SNAPC3: variants seen among roughly 807,000 people sequenced by gnomAD.
The protein encoded by SNAPC3 is small nuclear RNA activating complex polypeptide 3.
A neutral mutation model predicts 47.7 loss-of-function variants in SNAPC3; 56 were observed. The ratio of observed to expected loss-of-function variants is 1.18; its 90% confidence interval spans 0.95 to 1.47. SNAPC3 has a LOEUF of 1.47. Ranked by LOEUF, SNAPC3 falls within the 40% of genes most tolerant of loss-of-function variation. The pLI is 0.00. For missense variants in SNAPC3, 665 were observed against 511.3 expected (o/e 1.30, Z -2.90); for synonymous variants, 235 against 189.9 (o/e 1.24, Z -1.95).
At chr9:15,459,027 CT>C (rs1258001149) in intron 8 of SNAPC3, among the ~76,000 whole-genome samples, 1 of 152,130 alleles carries the variant, frequency 6.6e-6, no homozygotes, top group African/African-American at 2.4e-5. Flanking sequence ...GGATACTCAA[CT>C]TGTATCTTCA....
At chr9:15,443,598 A>G (rs1288964162) in intron 3 of SNAPC3, among the ~76,000 whole-genome samples, 1 of 152,238 alleles carries the variant, frequency 6.6e-6, no homozygotes, top group Non-Finnish European at 1.5e-5. Context: ...GAAAAAAAGC[A>G]TCTTGTCTGT....
downstream of SNAPC3, chr9:15,464,271 T>C (rs2035457254): frequency 5.2e-6 from 1 of 193,862 alleles, no homozygotes; most frequent in African/African-American, 2.3e-5. Flanking sequence ...AAAACAGTTA[T>C]CTCAGAGGGT....
chr9:15,437,104 C>T (rs751792005), intron 3 of SNAPC3, among the ~76,000 whole-genome samples: 2 of 152,098 alleles, frequency 1.3e-5, no homozygotes, highest in Non-Finnish European at 2.9e-5. Flanking sequence ...GGATTACAGA[C>T]GTGAGCCACC....
At chr9:15,441,901 C>T (rs1388861090) in intron 3 of SNAPC3, among the ~76,000 whole-genome samples, 1 of 152,224 alleles carries the variant, frequency 6.6e-6, no homozygotes, top group African/African-American at 2.4e-5. Context: ...TCTCAATGAG[C>T]TGTTGGGTAC....
chr9:15,426,910 T>G (rs145071803), intron 2 of SNAPC3, among the ~76,000 whole-genome samples: 169 of 152,294 alleles, frequency 1.1e-3, no homozygotes, highest in African/African-American at 3.8e-3. Context: ...TTGTTAACCT[T>G]AATGGTCCTG....
At chr9:15,430,061 A>C (rs1239714972) in intron 2 of SNAPC3, among the ~76,000 whole-genome samples, 1 of 152,224 alleles carries the variant, frequency 6.6e-6, no homozygotes, top group Non-Finnish European at 1.5e-5. Context: ...TGCTAATGAG[A>C]ACTGTATGAC....
intron 3 of SNAPC3, among the ~76,000 whole-genome samples, chr9:15,438,158 C>G (rs1162081710): frequency 6.6e-6 from 1 of 152,176 alleles, no homozygotes; most frequent in Non-Finnish European, 1.5e-5. Context: ...AACCTCCTTA[C>G]TTGTTACAGG....
Position 15,460,048 on chromosome 9 carries a change from GTTTAAT to G in SNAPC3, c.*187_*192del. 2.3e-6 allele frequency: 1 copy of G among 434,864 alleles called. No individual in the cohort carries two copies. Among genetic ancestry groups the G allele is most frequent in the South Asian group, 6.9e-5 (1 of 14,584 alleles). 26.9% of individuals were successfully genotyped at this position (434,864 alleles called of 1,614,324 possible). On this transcript the variant is annotated 3_prime_UTR_variant, in exon 9 of 9. Transcript: ENST00000380821. ...ATAGTATTTAAATGTTTATAACATA[GTTTAAT>G]TTTATATTTATTCCAGATAGTATTT...
At chr9:15,448,735 G>T (rs1451483661) in intron 5 of SNAPC3, among the ~76,000 whole-genome samples, 3 of 152,180 alleles carry the variant, frequency 2.0e-5, no homozygotes, top group Non-Finnish European at 2.9e-5. Context: ...TGCCATCTCA[G>T]TGCTTTTGGA....
intron 3 of SNAPC3, among the ~76,000 whole-genome samples, chr9:15,435,312 C>T (rs1194036757): frequency 6.6e-6 from 1 of 152,180 alleles, no homozygotes; most frequent in Non-Finnish European, 1.5e-5. Flanking sequence ...ATGGCTAACG[C>T]TTGTAATCCC....
rs78403136 is a variant in SNAPC3 at position 15,435,581 on chromosome 9, A to G, written c.477+1945A>G. ...GAATGAGACTCTGTCTCAAAAAAAA[A>G]TTAGCCGGGCGTGGTGGCAGGCGCC... On this transcript the variant is annotated intron_variant, in intron 3 of 8. Coordinates refer to ENST00000380821, the MANE Select transcript of SNAPC3 (RefSeq NM_001039697.2). Among the ~76,000 whole-genome samples the G allele has an allele frequency of 2.0e-5, 3 of 151,876 alleles. No homozygotes were observed. The East Asian group carries it at 5.9e-4, about 30-fold the overall frequency.
chr9:15,434,623 C>T (rs1042935853), intron 3 of SNAPC3, among the ~76,000 whole-genome samples: 2 of 152,036 alleles, frequency 1.3e-5, no homozygotes, highest in South Asian at 2.1e-4. Context: ...CCAGGCTGGT[C>T]TCGAACCCTT....
rs767549600 is a variant in SNAPC3 at position 15,444,567 on chromosome 9, G to T, written c.478-35G>T. ...CACACTGCATCTTATCTGAGTTATA[G>T]TATCTGATTTCAGTGTCTCTTTTTC... On this transcript the variant is annotated intron_variant, in intron 3 of 8. Coordinates refer to ENST00000380821, the MANE Select transcript of SNAPC3 (RefSeq NM_001039697.2). The T allele has an allele frequency of 4.6e-6, 6 of 1,291,288 alleles. No individual in the cohort carries two copies. The South Asian group carries it at 7.2e-5, about 15-fold the overall frequency. The allele number at this position is 1,291,288 out of a possible 1,614,324, so 80.0% of individuals were successfully genotyped here.
intron 8 of SNAPC3, 106 bp downstream of exon 8, chr9:15,458,173 A>AT: frequency 1.7e-6 from 1 of 601,624 alleles, no homozygotes; most frequent in Non-Finnish European, 2.8e-6. Flanking sequence ...TAGGTTATAA[A>AT]TATGAAGTAT....
downstream of SNAPC3, chr9:15,462,756 ACATTGTGTTG>A (rs1297922117): frequency 7.2e-5 from 11 of 152,352 alleles, no homozygotes; most frequent in Middle Eastern, 3.4e-3. Flanking sequence ...GTCATCTCTA[ACATTGTGTTG>A]CAGAATTACA....
At chr9:15,428,476 T>G (rs1281667033) in intron 2 of SNAPC3, among the ~76,000 whole-genome samples, 1 of 140,238 alleles carries the variant, frequency 7.1e-6, no homozygotes, top group African/African-American at 2.6e-5. Context: ...GCCACTGCAC[T>G]CCAGCCTGGG....
intron 2 of SNAPC3, among the ~76,000 whole-genome samples, chr9:15,428,914 G>T (rs946384530): frequency 6.6e-6 from 1 of 151,800 alleles, no homozygotes; most frequent in African/African-American, 2.4e-5. Context: ...AGAAGAAAAA[G>T]AAATGGAACA....
downstream of SNAPC3, chr9:15,464,648 T>C (rs915728040): frequency 1.5e-5 from 3 of 198,556 alleles, no homozygotes; most frequent in Non-Finnish European, 3.1e-5. Flanking sequence ...TTCTTCCAAT[T>C]AAGTTTTAGT....
chr9:15,466,430 A>G (rs971252002), downstream of SNAPC3, among the ~76,000 whole-genome samples: 15 of 152,226 alleles, frequency 9.9e-5, no homozygotes, highest in African/African-American at 3.6e-4. Context: ...ACTTTTTACA[A>G]TTATCCTTTC....
Sources: allele counts gnomAD v4.1 joint callset (sites outside exome capture counted in the v4.1 genomes callset), GRCh38; gene constraint gnomAD v4.1.1; transcripts MANE v1.5; gene names NCBI Gene and HGNC (gene_info 2026-07-23, HGNC 2026-07-21).